Variants in DAAM1 observed in about 807,000 individuals in gnomAD.
The protein encoded by DAAM1 is dishevelled associated activator of morphogenesis 1, also known as disheveled-associated activator of morphogenesis 1.
In DAAM1, 52 loss-of-function variants were observed where a neutral mutation model predicts 130.0. The observed-to-expected ratio is 0.40, with a 90% CI of 0.32 to 0.50. DAAM1 has a LOEUF of 0.50. Among genes scored for constraint, DAAM1 ranks in the 20% least tolerant of loss-of-function variants. DAAM1 has a pLI of 0.61. For missense variants in DAAM1, 1,134 were observed against 1,303.8 expected, an observed-to-expected ratio of 0.87 and a Z score of 2.01; for synonymous variants, 452 against 444.5, an observed-to-expected ratio of 1.02 and a Z score of -0.21.
At chr14:59,292,522 G>A (rs1883789592) in intron 3 of DAAM1, among the ~76,000 whole-genome samples, 1 of 152,176 alleles carries the variant, frequency 6.6e-6, no homozygotes, top group Non-Finnish European at 1.5e-5. Context: ...TGCCTCTGAT[G>A]AAGAGGCACC....
intron 2 of DAAM1, 31 bp downstream of exon 2, chr14:59,263,691 T>TAAAAGAGCCAGAGAA: frequency 6.2e-7 from 1 of 1,602,852 alleles, no homozygotes; most frequent in Non-Finnish European, 8.5e-7. Context: ...CTGGCATTGG[T>TAAAAGAGCCAGAGAA]GGGGAGCCAG....
Position 59,191,598 on chromosome 14 carries a change from A to G in DAAM1, c.-38+2830A>G, listed in dbSNP as rs148593446. Among the ~76,000 whole-genome samples, 10 of 152,224 alleles carry G rather than the reference A, an allele frequency of 6.6e-5. No homozygotes were observed. In the South Asian group the frequency reaches 1.0e-3, roughly 16 times the overall value. On this transcript the variant is annotated intron_variant, in intron 1 of 24. Transcript: ENST00000360909. Reference sequence around the variant, plus strand: ...ACTTGTCTGGCATAAAAGGCCTTCTATGTATTTGAAATAGACATATTTCCT... The same window carrying G: ...ACTTGTCTGGCATAAAAGGCCTTCTGTGTATTTGAAATAGACATATTTCCT...
chr14:59,245,799 T>G (rs1005960827), intron 1 of DAAM1, among the ~76,000 whole-genome samples: 1 of 152,212 alleles, frequency 6.6e-6, no homozygotes, highest in Non-Finnish European at 1.5e-5. Context: ...CATATTAGTG[T>G]TGTACAGTTG....
chr14:59,283,646 A>G (rs1489685015), intron 2 of DAAM1, among the ~76,000 whole-genome samples: 3 of 152,196 alleles, frequency 2.0e-5, no homozygotes, highest in East Asian at 3.8e-4. Context: ...TGATTTGCCA[A>G]TCCTCACAAC....
chr14:59,255,550 T>G (rs551995292), intron 1 of DAAM1, among the ~76,000 whole-genome samples: 11 of 152,322 alleles, frequency 7.2e-5, no homozygotes, highest in Non-Finnish European at 1.5e-4. Context: ...TTAACATTAT[T>G]GTGTTGTTGC....
intron 1 of DAAM1, among the ~76,000 whole-genome samples, chr14:59,223,019 G>T (rs1888826638): frequency 6.6e-6 from 1 of 152,226 alleles, no homozygotes; most frequent in Admixed American, 6.5e-5. Context: ...CCACTTTCAG[G>T]TGGTGCCTGC....
rs1438085627 is a variant in DAAM1, at chr14:59,368,876, T to C, written c.*17T>C. 1.2e-6 allele frequency: 2 copies of C among 1,611,160 alleles called. No individual in the cohort carries two copies. The highest frequency in any genetic ancestry group is 1.7e-6 in the Non-Finnish European group (2 of 1,178,200). On this transcript the variant is annotated 3_prime_UTR_variant, in exon 25 of 25. Transcript: ENST00000360909. ...AATTTCTAATTTTCCATGAATACTT[T>C]TTTTTAGAAAGCTCATTAGCAGCCC...
intron 20 of DAAM1, among the ~76,000 whole-genome samples, chr14:59,358,233 A>C (rs1886558846): frequency 1.3e-5 from 2 of 152,184 alleles, no homozygotes; most frequent in Admixed American, 1.3e-4. Context: ...AGGTGATTGT[A>C]ATGCGTAGCA....
At chr14:59,234,163 G>A (rs1242955613) in intron 1 of DAAM1, among the ~76,000 whole-genome samples, 1 of 152,090 alleles carries the variant, frequency 6.6e-6, no homozygotes, top group Non-Finnish European at 1.5e-5. Context: ...TTCTAATTCT[G>A]TGAAGAATGT....
chr14:59,323,044 T>C lies in DAAM1; in HGVS notation c.593T>C (p.Val198Ala). ...LMNNSQGRAH[V>A]LAHSESINVI... ...AACAACTCTCAAGGCCGGGCTCACG[T>C]CCTGGCTCATTCTGAGAGTATTAAT... The change falls in exon 6 of 25, where the codon GTC (valine) becomes GCC (alanine). Residue 198 changes from valine to alanine, a missense_variant. Physicochemically the swap from Val to Ala is moderately conservative, Grantham distance 64. Transcript: ENST00000360909. 1 of 1,614,102 alleles carries C rather than the reference T, an allele frequency of 6.2e-7. No individual in the cohort carries two copies. Among genetic ancestry groups the C allele is most frequent in the Non-Finnish European group, 8.5e-7 (1 of 1,180,004 alleles).
chr14:59,322,230 C>T lies in DAAM1; in HGVS notation c.441-662C>T, dbSNP rs537009854. Among the ~76,000 whole-genome samples the T allele has an allele frequency of 3.1e-3, 474 of 152,200 alleles. 2 individuals are homozygous for T. The highest frequency in any genetic ancestry group is 5.6e-3 in the Non-Finnish European group (381 of 68,020). On this transcript the variant is annotated intron_variant, in intron 5 of 24. Coordinates refer to ENST00000360909, the MANE Select transcript of DAAM1 (RefSeq NM_001270520.2). The stretch of plus-strand genomic sequence containing the variant: ...TGCGTCAGCAATCAACATATAAAAG[C>T]GCATGGGCCAGACATGGTCACTCAC...
In DAAM1 at chr14:59,355,959, G is replaced by C. The variant is rs115934027; in HGVS notation, c.2525+626G>C. ...ATTGATACTTAGTTGCTCATTGCAGGTCTCATTAAAATGCTTCCTAGAAAG... is the reference window on the plus strand; with the variant it reads ...ATTGATACTTAGTTGCTCATTGCAGCTCTCATTAAAATGCTTCCTAGAAAG... On this transcript the variant is annotated intron_variant, in intron 20 of 24. Coordinates refer to ENST00000360909, the MANE Select transcript of DAAM1 (RefSeq NM_001270520.2). 5.4e-3 allele frequency among the ~76,000 whole-genome samples: 818 copies of C among 152,258 alleles called. 9 individuals are homozygous for C. Among genetic ancestry groups the C allele is most frequent in the African/African-American group, 0.019 (777 of 41,544 alleles).
chr14:59,331,309 C>G lies in DAAM1; in HGVS notation c.1661C>G (p.Pro554Arg). ...GGATCTCTCCTTCCTCCCCCACCAC[C>G]CCCACCTCTACCAGGTGGGATGCTT... ...VPGSLLPPPP[P>R]PPLPGGMLPP... The change falls in exon 14 of 25, where the codon CCC becomes CGC. Residue 554 changes from proline to arginine, a missense_variant. Transcript: ENST00000360909. 1 of 1,612,328 alleles carries G rather than the reference C, an allele frequency of 6.2e-7. No homozygotes were observed.
Position 59,368,966 on chromosome 14 carries a change from C to A in DAAM1, c.*107C>A. On this transcript the variant is annotated 3_prime_UTR_variant, in exon 25 of 25. Coordinates refer to ENST00000360909, the MANE Select transcript of DAAM1 (RefSeq NM_001270520.2). ...TCCAAACAGTGGCAATTTTTTCCTT[C>A]ATCTGTGAGTGAATGTGTGAACGTG... is the stretch of plus-strand genomic sequence containing the variant. The A allele has an allele frequency of 1.0e-6, 1 of 957,276 alleles. No homozygotes were observed. The highest frequency in any genetic ancestry group is 1.5e-6 in the Non-Finnish European group (1 of 647,238). The allele number at this position is 957,276 out of a possible 1,614,324, so 59.3% of individuals were successfully genotyped here. A position where few individuals can be genotyped will look rare whatever the true frequency, so the allele number is the denominator to read the frequency against.
chr14:59,287,264 G>A (rs542741473), intron 2 of DAAM1, among the ~76,000 whole-genome samples: 1 of 152,104 alleles, frequency 6.6e-6, no homozygotes, highest in South Asian at 2.1e-4. Context: ...CAACAAATTA[G>A]GCATCAAAGG....
chr14:59,232,607 TTTTC>T (rs1286224991), intron 1 of DAAM1, among the ~76,000 whole-genome samples: 8 of 151,786 alleles, frequency 5.3e-5, no homozygotes, highest in Admixed American at 3.9e-4. Context: ...ATTTCTTTTT[TTTTC>T]TTTCTTTTTT....
At chr14:59,364,767 T>TA (rs1886848684) in intron 23 of DAAM1, among the ~76,000 whole-genome samples, 1 of 152,234 alleles carries the variant, frequency 6.6e-6, no homozygotes, top group African/African-American at 2.4e-5. Flanking sequence ...TTCACATGCA[T>TA]TAGCTAATCT....
At chr14:59,271,214 C>T (rs1033802935) in intron 2 of DAAM1, among the ~76,000 whole-genome samples, 12 of 151,846 alleles carry the variant, frequency 7.9e-5, no homozygotes, top group African/African-American at 2.9e-4. Context: ...CTGTGCCTTC[C>T]AGGAAATGTA....
chr14:59,363,970 C>G (rs184754278), intron 23 of DAAM1, among the ~76,000 whole-genome samples, 188 bp downstream of exon 23: 11 of 152,252 alleles, frequency 7.2e-5, no homozygotes, highest in African/African-American at 2.6e-4. Context: ...TTTTCATTTC[C>G]AAGACTGTGA....
Sources: gnomAD v4.1 joint callset for allele counts (sites outside exome capture counted in the v4.1 genomes callset) on GRCh38, gnomAD v4.1.1 for gene constraint, MANE v1.5 for transcripts, NCBI Gene and HGNC (gene_info 2026-07-23, HGNC 2026-07-21) for gene names.